Variants in PTPRO observed in about 807,000 individuals in gnomAD.
The protein encoded by PTPRO is protein tyrosine phosphatase receptor type O, also known as receptor-type tyrosine-protein phosphatase O.
Under a neutral mutation model 145.2 loss-of-function variants are expected in PTPRO, and 62 were observed. That is an observed-to-expected ratio of 0.43 (90% CI 0.35 to 0.53). The LOEUF (loss-of-function observed/expected upper bound fraction) is 0.53, where lower values mean the gene tolerates loss of function less well. Among genes scored for constraint, PTPRO ranks in the 20% least tolerant of loss-of-function variants. PTPRO has a pLI of 0.01. For missense variants in PTPRO, 1,345 were observed against 1,482.7 expected, an observed-to-expected ratio of 0.91 and a Z score of 1.53; for synonymous variants, 565 against 514.7, an observed-to-expected ratio of 1.10 and a Z score of -1.32.
At chr12:15,332,155 C>T (rs180938809) in intron 1 of PTPRO, among the ~76,000 whole-genome samples, 2 of 152,048 alleles carry the variant, frequency 1.3e-5, no homozygotes, top group Non-Finnish European at 2.9e-5. Context: ...TTAGTAGAGA[C>T]AGAATTTCAC....
At chr12:15,343,091 T>C (rs1267125985) in intron 1 of PTPRO, among the ~76,000 whole-genome samples, 1 of 152,158 alleles carries the variant, frequency 6.6e-6, no homozygotes, top group Non-Finnish European at 1.5e-5. Flanking sequence ...AATAAACTAG[T>C]GGACAGTGAA....
In PTPRO at chr12:15,508,786, G is replaced by A. The variant is rs1484513015; in HGVS notation, c.1464+19G>A. 6.2e-7 allele frequency: 1 copy of A among 1,609,874 alleles called. No homozygotes were observed. Among genetic ancestry groups the A allele is most frequent in the African/African-American group, 1.3e-5 (1 of 74,816 alleles). ...CACTCAGGTAAAGGAGAGGAAATGAGAATGGGCTCGCCGGTCCTTCCTAAG... is the reference window on the plus strand; with the variant it reads ...CACTCAGGTAAAGGAGAGGAAATGAAAATGGGCTCGCCGGTCCTTCCTAAG... On this transcript the variant is annotated intron_variant, in intron 7 of 26. Transcript: ENST00000281171.
intron 12 of PTPRO, among the ~76,000 whole-genome samples, chr12:15,533,283 T>A (rs1942998790): frequency 6.6e-6 from 1 of 152,194 alleles, no homozygotes; most frequent in Admixed American, 6.6e-5. Context: ...ATCAATAACC[T>A]TTTTCTTATT....
intron 1 of PTPRO, among the ~76,000 whole-genome samples, chr12:15,461,636 C>T (rs544796384): frequency 3.5e-5 from 5 of 141,910 alleles, no homozygotes; most frequent in Admixed American, 7.4e-5. Flanking sequence ...GGTGCAATCT[C>T]GGCTCACTGC....
intron 15 of PTPRO, 71 bp downstream of exon 15, chr12:15,551,742 T>C: frequency 6.6e-7 from 1 of 1,525,542 alleles, no homozygotes; most frequent in East Asian, 2.3e-5. Flanking sequence ...ATATATTGTT[T>C]TTGCACACCT....
chr12:15,578,254 ATATT>A (rs1565441690), intron 19 of PTPRO, among the ~76,000 whole-genome samples: 1 of 152,228 alleles, frequency 6.6e-6, no homozygotes, highest in Non-Finnish European at 1.5e-5. Flanking sequence ...AGAATAGGAA[ATATT>A]TATACAAATT....
intron 1 of PTPRO, among the ~76,000 whole-genome samples, chr12:15,407,883 G>C (rs1222618395): frequency 6.6e-6 from 1 of 152,182 alleles, no homozygotes; most frequent in Non-Finnish European, 1.5e-5. Context: ...CAATTTCAAA[G>C]TTGACTGCTC....
chr12:15,455,197 C>T (rs866305954), intron 1 of PTPRO, among the ~76,000 whole-genome samples: 23 of 152,264 alleles, frequency 1.5e-4, no homozygotes, highest in South Asian at 1.0e-3. Context: ...TCTCTTTTCA[C>T]TGCCACCATT....
At chr12:15,344,196 T>C (rs957540476) in intron 1 of PTPRO, among the ~76,000 whole-genome samples, 2 of 152,226 alleles carry the variant, frequency 1.3e-5, no homozygotes, top group Non-Finnish European at 2.9e-5. Flanking sequence ...ACATTGTTAA[T>C]GTTGAAGCCC....
intron 1 of PTPRO, among the ~76,000 whole-genome samples, chr12:15,419,714 C>T (rs182710621): frequency 2.8e-4 from 42 of 150,436 alleles, no homozygotes; most frequent in Non-Finnish European, 5.4e-4. Context: ...CAGAAGAATA[C>T]GTCAAAGCTA....
Position 15,360,889 on chromosome 12 carries a change from T to TGTGTGTATATACACACATATATACACAC in PTPRO, c.75+38092_75+38093insGTATATACACACATATATACACACGTGT, listed in dbSNP as rs1565585711. ...ATGTGTGTATATACACACATACACA[T>TGTGTGTATATACACACATATATACACAC]GTGTATATACACACACATATATACA... On this transcript the variant is annotated intron_variant, in intron 1 of 26. Coordinates refer to ENST00000281171, the MANE Select transcript of PTPRO (RefSeq NM_030667.3). Among the ~76,000 whole-genome samples the TGTGTGTATATACACACATATATACACAC allele has an allele frequency of 1.0e-3, 103 of 99,802 alleles. 4 individuals carry two copies. The highest frequency in any genetic ancestry group is 2.8e-3 in the African/African-American group (83 of 29,406). The allele number at this position is 99,802 out of a possible 152,430, so 65.5% of individuals were successfully genotyped here. A position where few individuals can be genotyped will look rare whatever the true frequency, so the allele number is the denominator to read the frequency against.
chr12:15,422,233 C>T (rs1259951269), intron 1 of PTPRO, among the ~76,000 whole-genome samples: 1 of 152,112 alleles, frequency 6.6e-6, no homozygotes, highest in Admixed American at 6.6e-5. Flanking sequence ...AAGAAGACAT[C>T]ATAATTGTAC....
intron 1 of PTPRO, among the ~76,000 whole-genome samples, chr12:15,335,912 T>C (rs1005862475): frequency 2.6e-5 from 4 of 152,192 alleles, no homozygotes; most frequent in Non-Finnish European, 5.9e-5. Context: ...AATGAGAATC[T>C]TTCCATTGAA....
chr12:15,496,162 T>TCTTTTTTTTTTTTTTTTTTG (rs1942101754), intron 2 of PTPRO, among the ~76,000 whole-genome samples: 1 of 144,996 alleles, frequency 6.9e-6, no homozygotes, highest in Non-Finnish European at 1.5e-5. Flanking sequence ...TTTTTTTTTT[T>TCTTTTTTTTTTTTTTTTTTG]TTGAGATTTC....
chr12:15,439,297 C>T (rs750759155), intron 1 of PTPRO, among the ~76,000 whole-genome samples: 5 of 152,102 alleles, frequency 3.3e-5, no homozygotes, highest in Admixed American at 6.5e-5. Context: ...AATGAAAGAA[C>T]GATACCTGTA....
chr12:15,521,978 G>A (rs1942730750), intron 10 of PTPRO, among the ~76,000 whole-genome samples: 1 of 152,260 alleles, frequency 6.6e-6, no homozygotes, highest in African/African-American at 2.4e-5. Context: ...TATTGATGTT[G>A]ATGATTTTCT....
rs759497641 is a variant in PTPRO, at chr12:15,586,951, G to T, written c.3310G>T (p.Gly1104Cys). The T allele has an allele frequency of 1.9e-6, 3 of 1,614,028 alleles. No homozygotes were observed. The East Asian group carries it at 6.7e-5, about 36-fold the overall frequency. Residue 1104 changes from glycine to cysteine, a missense_variant, in exon 24 of 27, where the codon GGT becomes TGT. Physicochemically the swap from Gly to Cys is radical, Grantham distance 159 (BLOSUM62 -3). Transcript: ENST00000281171. ...HFNYTAWPDH[G>C]VPTANAAESI... ...TAACTACACTGCATGGCCTGATCAT[G>T]GTGTGCCCACAGCAAATGCTGCAGA...
intron 2 of PTPRO, among the ~76,000 whole-genome samples, chr12:15,491,700 C>A (rs583159): frequency 0.02 from 3,016 of 152,202 alleles, 113 homozygotes; most frequent in East Asian, 0.14. Context: ...TACCACAAAG[C>A]AAAAAGAAAA....
intron 16 of PTPRO, among the ~76,000 whole-genome samples, chr12:15,558,378 G>C (rs1019799746): frequency 1.3e-5 from 2 of 152,134 alleles, no homozygotes; most frequent in Admixed American, 6.5e-5. Context: ...AAGAAAACAT[G>C]GCTTCATTTT....
Sources: gnomAD v4.1 joint callset for allele counts (sites outside exome capture counted in the v4.1 genomes callset) on GRCh38, gnomAD v4.1.1 for gene constraint, MANE v1.5 for transcripts, NCBI Gene and HGNC (gene_info 2026-07-23, HGNC 2026-07-21) for gene names.